SRPK2: variants seen among roughly 807,000 people sequenced by gnomAD.
SRPK2 encodes SFRS protein kinase 2.
A neutral mutation model predicts 90.8 loss-of-function variants in SRPK2; 21 were observed. The observed-to-expected ratio is 0.23, with a 90% CI of 0.16 to 0.33. The LOEUF (loss-of-function observed/expected upper bound fraction) is 0.33. Ranked by LOEUF, SRPK2 falls within the 10% of genes least tolerant of loss-of-function variation. SRPK2 has a pLI of 1.00. For missense variants in SRPK2, 620 were observed against 869.0 expected (o/e 0.71, Z 3.60); for synonymous variants, 288 against 311.1 (o/e 0.93, Z 0.78).
chr7:105,369,125 TTTATTA>T (rs10593124), intron 2 of SRPK2, among the ~76,000 whole-genome samples: 3,042 of 143,288 alleles, frequency 0.021, 95 homozygotes, highest in African/African-American at 0.067. Context: ...CAAGATTTAT[TTTATTA>T]TTATTATTAT....
intron 3 of SRPK2, among the ~76,000 whole-genome samples, chr7:105,188,296 A>G (rs571440100): frequency 2.6e-5 from 4 of 152,356 alleles, no homozygotes; most frequent in Non-Finnish European, 4.4e-5. Context: ...GAATAGAGAC[A>G]AAAAGTAGCT....
intron 2 of SRPK2, among the ~76,000 whole-genome samples, chr7:105,379,993 A>G (rs1382163687): frequency 6.6e-6 from 1 of 151,946 alleles, no homozygotes; most frequent in Non-Finnish European, 1.5e-5. Context: ...ATATGAGTGC[A>G]CTGCCAGGCA....
At chr7:105,357,326 A>C (rs1817892119) in intron 2 of SRPK2, among the ~76,000 whole-genome samples, 1 of 152,220 alleles carries the variant, frequency 6.6e-6, no homozygotes, top group Admixed American at 6.5e-5. Flanking sequence ...GGCGTGAGCC[A>C]CTGCGCCCAG....
At chr7:105,354,547 G>A (rs1192616579) in intron 2 of SRPK2, among the ~76,000 whole-genome samples, 1 of 152,082 alleles carries the variant, frequency 6.6e-6, no homozygotes, top group Non-Finnish European at 1.5e-5. Context: ...ACAATTTACT[G>A]GGAATCCACT....
At chr7:105,171,701 A>C (rs1791175071) in intron 3 of SRPK2, among the ~76,000 whole-genome samples, 1 of 152,214 alleles carries the variant, frequency 6.6e-6, no homozygotes, top group African/African-American at 2.4e-5. Flanking sequence ...TTACCCTTCT[A>C]CTGCCTCTGC....
chr7:105,287,415 G>A (rs950952457), intron 2 of SRPK2, among the ~76,000 whole-genome samples: 11 of 151,738 alleles, frequency 7.2e-5, no homozygotes, highest in African/African-American at 2.4e-4. Flanking sequence ...ATATACATGT[G>A]TATATACATG....
At chr7:105,180,837 A>G (rs1436004551) in intron 3 of SRPK2, among the ~76,000 whole-genome samples, 1 of 152,210 alleles carries the variant, frequency 6.6e-6, no homozygotes, top group Non-Finnish European at 1.5e-5. Flanking sequence ...CAAAGATTTC[A>G]TGATGAAAAT....
chr7:105,133,216 C>T (rs756536404), intron 11 of SRPK2, 112 bp from the exon 12 acceptor site: 7 of 944,294 alleles, frequency 7.4e-6, no homozygotes, highest in Non-Finnish European at 1.2e-5. Context: ...GGAATGATCA[C>T]TTAGGCCTGG....
At chr7:105,204,129 T>C (rs1056922258) in intron 2 of SRPK2, among the ~76,000 whole-genome samples, 10 of 152,230 alleles carry the variant, frequency 6.6e-5, no homozygotes, top group African/African-American at 2.4e-4. Context: ...GCGTATTCCA[T>C]GGTATATAGC....
At chr7:105,150,909 G>A (rs1805548871) in intron 7 of SRPK2, among the ~76,000 whole-genome samples, 2 of 152,056 alleles carry the variant, frequency 1.3e-5, no homozygotes, top group South Asian at 4.1e-4. Context: ...TCTCATGCAC[G>A]AGAGTTGTCC....
intron 2 of SRPK2, among the ~76,000 whole-genome samples, chr7:105,251,597 T>C (rs996122331): frequency 1.6e-4 from 24 of 152,200 alleles, no homozygotes; most frequent in African/African-American, 5.8e-4. Context: ...TTTCAATAAA[T>C]GAATATAATA....
chr7:105,204,367 G>T (rs920729313), intron 2 of SRPK2, among the ~76,000 whole-genome samples: 1 of 152,154 alleles, frequency 6.6e-6, no homozygotes, highest in Non-Finnish European at 1.5e-5. Context: ...AGGCCTGTTC[G>T]AAGTTTTGAA....
intron 2 of SRPK2, among the ~76,000 whole-genome samples, chr7:105,293,070 C>A (rs572318423): frequency 7.2e-5 from 11 of 151,960 alleles, no homozygotes; most frequent in African/African-American, 2.7e-4. Context: ...GGGAGGGGGG[C>A]GCGGATCACC....
At chr7:105,293,922 A>C (rs1307327993) in intron 2 of SRPK2, among the ~76,000 whole-genome samples, 1 of 152,210 alleles carries the variant, frequency 6.6e-6, no homozygotes, top group African/African-American at 2.4e-5. Flanking sequence ...CAAGGAAAGC[A>C]TTATCCCAGT....
chr7:105,282,868 GA>G (rs1807527357), intron 2 of SRPK2, among the ~76,000 whole-genome samples: 1 of 142,288 alleles, frequency 7.0e-6, no homozygotes, highest in Admixed American at 7.3e-5. Flanking sequence ...CAAGATGGGA[GA>G]AAATATTTGT....
At chr7:105,171,899 A>G (rs2129590072) in intron 3 of SRPK2, among the ~76,000 whole-genome samples, 1 of 152,154 alleles carries the variant, frequency 6.6e-6, no homozygotes, top group Middle Eastern at 3.4e-3. Context: ...TTATTTATTT[A>G]TTTATTTATA....
At chr7:105,145,149 C>A (rs117883170) in intron 9 of SRPK2, 134 bp downstream of exon 9, 7,185 of 483,870 alleles carry the variant, frequency 0.015, 85 homozygotes, top group Non-Finnish European at 0.018. Context: ...TTAAGTCTTA[C>A]CTATTTGAGG....
chr7:105,306,635 C>A, intron 2 of SRPK2: 1 of 375,844 alleles, frequency 2.7e-6, no homozygotes, highest in South Asian at 2.0e-5. Context: ...CTCTCGTTGG[C>A]AAGATGCCAC....
intron 2 of SRPK2, among the ~76,000 whole-genome samples, chr7:105,271,038 T>G (rs1003116763): frequency 1.3e-5 from 2 of 152,328 alleles, no homozygotes; most frequent in South Asian, 2.1e-4. Context: ...GTAGTGTTAT[T>G]GTAGGTGGGA....
Sources: allele counts gnomAD v4.1 joint callset (sites outside exome capture counted in the v4.1 genomes callset), GRCh38; gene constraint gnomAD v4.1.1; transcripts MANE v1.5; gene names NCBI Gene and HGNC (gene_info 2026-07-23, HGNC 2026-07-21).